SLC22A7: variants seen among roughly 807,000 people sequenced by gnomAD.
SLC22A7 encodes the protein hOAT2.
A neutral mutation model predicts 62.2 loss-of-function variants in SLC22A7; 48 were observed. That is an observed-to-expected ratio of 0.77 (90% CI 0.61 to 0.98). The LOEUF is 0.98. SLC22A7 is among the 50% of genes least tolerant of loss of function. SLC22A7 has a pLI of 0.00. For synonymous variants in SLC22A7, 276 were observed against 314.8 expected, an observed-to-expected ratio of 0.88 and a Z score of 1.30; for missense variants, 581 against 703.8, an observed-to-expected ratio of 0.83 and a Z score of 1.97.
chr6:43,298,140 C>A, upstream of SLC22A7: 1 of 542,852 alleles, frequency 1.8e-6, no homozygotes, highest in South Asian at 2.7e-5. Flanking sequence ...ATGGCTTCCC[C>A]TTCCCCCAGG....
intron 6 of SLC22A7, 156 bp from the exon 7 acceptor site, chr6:43,301,427 C>T: frequency 9.1e-7 from 1 of 1,103,866 alleles, no homozygotes; most frequent in Non-Finnish European, 1.3e-6. Flanking sequence ...TGGGCCACAT[C>T]CATCATTCGA....
intron 5 of SLC22A7, among the ~76,000 whole-genome samples, chr6:43,300,762 C>T (rs1026379006): frequency 6.6e-6 from 1 of 152,218 alleles, no homozygotes; most frequent in Non-Finnish European, 1.5e-5. Flanking sequence ...TCCTGAGTAG[C>T]TGGGACTACA....
Position 43,299,698 on chromosome 6 carries a change from C to T in SLC22A7, c.575C>T (p.Ser192Phe). The T allele has an allele frequency of 6.2e-7, 1 of 1,614,180 alleles. No individual in the cohort carries two copies. Among genetic ancestry groups the T allele is most frequent in the Non-Finnish European group, 8.5e-7 (1 of 1,180,028 alleles). Residue 192 changes from serine (S) to phenylalanine (F), a missense_variant, in exon 4 of 11, where the codon TCC (serine) becomes TTC (phenylalanine). Physicochemically the swap from Ser to Phe is radical, Grantham distance 155 (BLOSUM62 -2). Coordinates refer to ENST00000372585, the MANE Select transcript of SLC22A7 (RefSeq NM_153320.2). This position sits in a 1 kb window ranked among gnomAD's most constrained non-coding sequence, Gnocchi z 4.4. ...TLVLGLASAA[S>F]VSYVMFAITR... ...GTGCTGGGCCTGGCATCTGCAGCCT[C>T]CGTCAGCTATGTAATGTTTGCCATC...
rs1458611806 is a variant in SLC22A7, at chr6:43,304,659, C to T, written c.1593-12C>T. On this transcript the variant is annotated splice_polypyrimidine_tract_variant and intron_variant, in intron 10 of 10. Transcript: ENST00000372585. ...TAAACCCCACCATTGCTCACAACTC[C>T]TTCCTCCCTAGTGCCCCAACCAGTC... The T allele has an allele frequency of 6.2e-7, 1 of 1,603,782 alleles. No individual in the cohort carries two copies. The highest frequency in any genetic ancestry group is 8.5e-7 in the Non-Finnish European group (1 of 1,173,174).
rs374064067 is a variant in SLC22A7 at position 43,299,929 on chromosome 6, C to T, written c.690C>T (p.Thr230=). ...ELEWLDVEHR[T]VAGVLSSTFW... is the part of the protein sequence containing the mutation. ...AGTGGCTGGATGTGGAGCACCGCACCGTGGCTGGAGTCCTGAGCAGCACCT... is the reference window on the plus strand; with the variant it reads ...AGTGGCTGGATGTGGAGCACCGCACTGTGGCTGGAGTCCTGAGCAGCACCT... Residue 230 remains threonine, a synonymous_variant, in exon 5 of 11, where the codon ACC becomes ACT. Coordinates refer to ENST00000372585, the MANE Select transcript of SLC22A7 (RefSeq NM_153320.2). The surrounding 1 kb of genome is among the most constrained non-coding windows in gnomAD (Gnocchi z 4.4). 8.1e-6 allele frequency: 13 copies of T among 1,613,974 alleles called. No individual in the cohort carries two copies. The highest frequency in any genetic ancestry group is 5.3e-5 in the African/African-American group (4 of 74,906).
chr6:43,299,126 T>A lies in SLC22A7; in HGVS notation c.399+29T>A. 6.2e-7 allele frequency: 1 copy of A among 1,613,736 alleles called. No individual in the cohort carries two copies. Among genetic ancestry groups the A allele is most frequent in the Non-Finnish European group, 8.5e-7 (1 of 1,179,852 alleles). ...GGTATTTACATAATCCATCTGGAGG[T>A]GGAATGTCGGTGGAGGCAGTCTCCC... is the stretch of plus-strand genomic sequence containing the variant. On this transcript the variant is annotated intron_variant, in intron 2 of 10. Transcript: ENST00000372585. The surrounding 1 kb of genome is among the most constrained non-coding windows in gnomAD (Gnocchi z 4.4).
upstream of SLC22A7, chr6:43,295,762 A>T (rs1425045338): frequency 1.3e-5 from 2 of 152,224 alleles, no homozygotes; most frequent in Non-Finnish European, 1.5e-5. Context: ...CAGCTCCATC[A>T]TCAGCCATCA....
At chr6:43,304,375 G>A (rs1778867564) in intron 10 of SLC22A7, 131 bp downstream of exon 10, 2 of 805,756 alleles carry the variant, frequency 2.5e-6, no homozygotes, top group South Asian at 2.0e-5. Flanking sequence ...ATGTATGTGT[G>A]CGTGCACAGG....
Position 43,302,081 on chromosome 6 carries a change from A to G in SLC22A7, c.1062-119A>G, listed in dbSNP as rs1582552124. On this transcript the variant is annotated intron_variant, in intron 7 of 10. Transcript: ENST00000372585. This position sits in a 1 kb window ranked among gnomAD's most constrained non-coding sequence, Gnocchi z 5.0. ...TGTCAGGGAAGGTCCTGGCGGGGGG[A>G]CCGGGGGTTGCAGAGACAGAAGGAG... is the stretch of plus-strand genomic sequence containing the variant. 1 of 870,900 alleles carries G rather than the reference A, an allele frequency of 1.1e-6. No individual in the cohort carries two copies. The highest frequency in any genetic ancestry group is 2.6e-5 in the Admixed American group (1 of 38,200). 53.9% of individuals were successfully genotyped at this position (870,900 alleles called of 1,614,324 possible).
chr6:43,298,350 G>A lies in SLC22A7; in HGVS notation c.-9G>A, dbSNP rs768728916. 1.2e-6 allele frequency: 2 copies of A among 1,603,508 alleles called. No homozygotes were observed. Among genetic ancestry groups the A allele is most frequent in the South Asian group, 1.1e-5 (1 of 89,494 alleles). On this transcript the variant is annotated 5_prime_UTR_variant, in exon 1 of 11. The change creates a new upstream start codon in the 5' untranslated region. Transcript: ENST00000372585. ...AGGCTGCACCTGAAGCATTTGGTGG[G>A]TGAGCAGCATGGGCTTTGAGGAGCT...
chr6:43,302,806 G>A lies in SLC22A7; in HGVS notation c.1385+43G>A, dbSNP rs1382209931. On this transcript the variant is annotated intron_variant, in intron 9 of 10. Coordinates refer to ENST00000372585, the MANE Select transcript of SLC22A7 (RefSeq NM_153320.2). The surrounding 1 kb of genome is among the most constrained non-coding windows in gnomAD (Gnocchi z 5.0). ...TGATCTGGGGGTATGGGGCTTGTTA[G>A]TCACGTGTCTTAACCAACACTTCTA... is the stretch of plus-strand genomic sequence containing the variant. 2.3e-6 allele frequency: 3 copies of A among 1,318,920 alleles called. No homozygotes were observed. Among genetic ancestry groups the A allele is most frequent in the Non-Finnish European group, 3.2e-6 (3 of 923,906 alleles). 81.7% of individuals were successfully genotyped at this position (1,318,920 alleles called of 1,614,324 possible). A position where few individuals can be genotyped will look rare whatever the true frequency, so the allele number is the denominator to read the frequency against.
At position 43,299,328 on chromosome 6, in the gene SLC22A7, G is replaced by T. The variant is rs1158437239; in HGVS notation, c.400-62G>T. On this transcript the variant is annotated intron_variant, in intron 2 of 10. Transcript: ENST00000372585. This position sits in a 1 kb window ranked among gnomAD's most constrained non-coding sequence, Gnocchi z 4.4. ...AGGCTCCAGGGTCTGGAGAGGAGGA[G>T]CTGGTGCCTGCTGGAGAGGGGCTGA... The T allele has an allele frequency of 6.2e-7, 1 of 1,609,472 alleles. No individual in the cohort carries two copies. Among genetic ancestry groups the T allele is most frequent in the Non-Finnish European group, 8.5e-7 (1 of 1,177,198 alleles).
rs1255982257 is a variant in SLC22A7 at position 43,299,598 on chromosome 6, G to A, written c.504-29G>A. On this transcript the variant is annotated intron_variant, in intron 3 of 10. Transcript: ENST00000372585. This position sits in a 1 kb window ranked among gnomAD's most constrained non-coding sequence, Gnocchi z 4.4. ...TATGCCTTAGAACCTCCTTCCACAGGGAACTGACCCTGCATGACCCCTTTG... is the reference window on the plus strand; with the variant it reads ...TATGCCTTAGAACCTCCTTCCACAGAGAACTGACCCTGCATGACCCCTTTG... 7 of 1,614,048 alleles carry A rather than the reference G, an allele frequency of 4.3e-6. No homozygotes were observed. The highest frequency in any genetic ancestry group is 5.9e-6 in the Non-Finnish European group (7 of 1,179,938).
rs1778791481 is a variant in SLC22A7 at position 43,302,537 on chromosome 6, G to A, written c.1277-118G>A. 8.5e-7 allele frequency: 1 copy of A among 1,183,064 alleles called. No homozygotes were observed. Among genetic ancestry groups the A allele is most frequent in the Non-Finnish European group, 1.2e-6 (1 of 834,864 alleles). 73.3% of individuals were successfully genotyped at this position (1,183,064 alleles called of 1,614,324 possible). The stretch of plus-strand genomic sequence containing the variant: ...TCCCCCAGATCCCTGCTCTTACCCA[G>A]TGAGCTCAGACTCTCCACCACTTAA... On this transcript the variant is annotated intron_variant, in intron 8 of 10. Transcript: ENST00000372585. This position sits in a 1 kb window ranked among gnomAD's most constrained non-coding sequence, Gnocchi z 5.0.
In SLC22A7 at chr6:43,299,354, T is replaced by C. The variant is rs747442844; in HGVS notation, c.400-36T>C. The C allele has an allele frequency of 2.6e-5, 42 of 1,612,486 alleles. No individual in the cohort carries two copies. The highest frequency in any genetic ancestry group is 2.4e-4 in the South Asian group (22 of 91,006). On this transcript the variant is annotated intron_variant, in intron 2 of 10. Coordinates refer to ENST00000372585, the MANE Select transcript of SLC22A7 (RefSeq NM_153320.2). The surrounding 1 kb of genome is among the most constrained non-coding windows in gnomAD (Gnocchi z 4.4). ...CTGGTGCCTGCTGGAGAGGGGCTGA[T>C]GTTCATAGGAGGTCCCTTTCTGCCT...
rs199939922 is a variant in SLC22A7 at position 43,299,607 on chromosome 6, C to G, written c.504-20C>G. The G allele has an allele frequency of 6.2e-7, 1 of 1,614,088 alleles. No individual in the cohort carries two copies. Among genetic ancestry groups the G allele is most frequent in the South Asian group, 1.1e-5 (1 of 91,076 alleles). On this transcript the variant is annotated intron_variant, in intron 3 of 10. Coordinates refer to ENST00000372585, the MANE Select transcript of SLC22A7 (RefSeq NM_153320.2). The surrounding 1 kb of genome is among the most constrained non-coding windows in gnomAD (Gnocchi z 4.4). Reference sequence around the variant, plus strand: ...GAACCTCCTTCCACAGGGAACTGACCCTGCATGACCCCTTTGCAGGTTTGG... The same window carrying G: ...GAACCTCCTTCCACAGGGAACTGACGCTGCATGACCCCTTTGCAGGTTTGG...
chr6:43,297,699 G>A (rs1778591527), upstream of SLC22A7, among the ~76,000 whole-genome samples: 2 of 152,216 alleles, frequency 1.3e-5, no homozygotes, highest in Non-Finnish European at 2.9e-5. Flanking sequence ...GAGTCCCTGA[G>A]TGAAGTGGGA....
At position 43,299,614 on chromosome 6, in the gene SLC22A7, G is replaced by T. The variant is rs752042152; in HGVS notation, c.504-13G>T. 6.2e-7 allele frequency: 1 copy of T among 1,614,164 alleles called. No individual in the cohort carries two copies. The highest frequency in any genetic ancestry group is 8.5e-7 in the Non-Finnish European group (1 of 1,180,032). On this transcript the variant is annotated splice_polypyrimidine_tract_variant and intron_variant, in intron 3 of 10. Transcript: ENST00000372585. This position sits in a 1 kb window ranked among gnomAD's most constrained non-coding sequence, Gnocchi z 4.4. ...CTTCCACAGGGAACTGACCCTGCAT[G>T]ACCCCTTTGCAGGTTTGGGCGGCGG...
Position 43,299,628 on chromosome 6 carries a change from T to A in SLC22A7, c.505T>A (p.Phe169Ile). The A allele has an allele frequency of 6.2e-7, 1 of 1,614,076 alleles. No homozygotes were observed. Among genetic ancestry groups the A allele is most frequent in the African/African-American group, 1.3e-5 (1 of 75,022 alleles). ...TGACCCTGCATGACCCCTTTGCAGGTTTGGGCGGCGGCGTCTGCTGCTGGT... is the reference window on the plus strand; with the variant it reads ...TGACCCTGCATGACCCCTTTGCAGGATTGGGCGGCGGCGTCTGCTGCTGGT... ...AVAFGYLSDRFGRRRLLLVAY... is the reference protein window; with the variant it reads ...AVAFGYLSDRIGRRRLLLVAY... The change falls in exon 4 of 11, where the codon TTT becomes ATT. Residue 169 changes from phenylalanine to isoleucine, a missense_variant and splice_region_variant. Physicochemically the swap from Phe to Ile is conservative, Grantham distance 21 (BLOSUM62 0). Coordinates refer to ENST00000372585, the MANE Select transcript of SLC22A7 (RefSeq NM_153320.2). This position sits in a 1 kb window ranked among gnomAD's most constrained non-coding sequence, Gnocchi z 4.4.
Sources: allele counts gnomAD v4.1 joint callset (sites outside exome capture counted in the v4.1 genomes callset), GRCh38; gene constraint gnomAD v4.1.1; non-coding constraint Gnocchi (gnomAD v3.1); transcripts MANE v1.5; gene names NCBI Gene and HGNC (gene_info 2026-07-23, HGNC 2026-07-21).